The following NRG3 variants were observed in gnomAD, a reference collection of about 807,000 sequenced individuals.
The protein encoded by NRG3 is pro-neuregulin-3, membrane-bound isoform.
NRG3 carries 31 observed loss-of-function variants against 66.9 expected under a neutral mutation model. The observed-to-expected ratio is 0.46, with a 90% CI of 0.35 to 0.63. NRG3 has a LOEUF of 0.63. Ranked by LOEUF, NRG3 falls within the 20% of genes least tolerant of loss-of-function variation. NRG3 has a pLI of 0.00. For missense variants in NRG3, 910 were observed against 878.9 expected (o/e 1.04, Z -0.45); for synonymous variants, 393 against 359.4 (o/e 1.09, Z -1.06).
intron 2 of NRG3, among the ~76,000 whole-genome samples, chr10:82,629,107 T>C (rs1420181901): frequency 6.6e-6 from 1 of 152,186 alleles, no homozygotes; most frequent in African/African-American, 2.4e-5. Context: ...TCAGTTAGCA[T>C]GCATACTAAC....
chr10:82,057,671 G>A (rs1451376310), intron 1 of NRG3, among the ~76,000 whole-genome samples: 1 of 151,862 alleles, frequency 6.6e-6, no homozygotes, highest in East Asian at 1.9e-4. Context: ...TTTCAAACAT[G>A]AGGGCAAATT....
intron 1 of NRG3, among the ~76,000 whole-genome samples, chr10:82,351,665 C>T (rs184034057): frequency 2.0e-5 from 3 of 152,292 alleles, no homozygotes; most frequent in Admixed American, 2.0e-4. Flanking sequence ...TCACTGCTCA[C>T]GTGTAAGTAA....
At chr10:82,642,038 G>A (rs549494461) in intron 2 of NRG3, among the ~76,000 whole-genome samples, 13 of 151,860 alleles carry the variant, frequency 8.6e-5, no homozygotes, top group East Asian at 1.9e-4. Flanking sequence ...GTTATTTACC[G>A]CCCACTAAAT....
intron 1 of NRG3, among the ~76,000 whole-genome samples, chr10:82,250,971 T>G (rs2077459152): frequency 6.6e-6 from 1 of 152,226 alleles, no homozygotes; most frequent in South Asian, 2.1e-4. Context: ...ACGTTCTGGC[T>G]TGCAAGTATT....
chr10:82,561,897 C>G (rs2045070430), intron 2 of NRG3, among the ~76,000 whole-genome samples: 1 of 152,126 alleles, frequency 6.6e-6, no homozygotes, highest in South Asian at 2.1e-4. Flanking sequence ...GCCATTTGAA[C>G]TTCAATATGA....
intron 2 of NRG3, among the ~76,000 whole-genome samples, chr10:82,369,412 C>T (rs2135720631): frequency 7.2e-6 from 1 of 138,252 alleles, no homozygotes; most frequent in Admixed American, 6.8e-5. Flanking sequence ...GATCCTCCTT[C>T]CTCAGCCTCC....
chr10:82,725,889 G>T (rs1281148267), intron 2 of NRG3, among the ~76,000 whole-genome samples: 1 of 152,076 alleles, frequency 6.6e-6, no homozygotes, highest in Non-Finnish European at 1.5e-5. Flanking sequence ...GAACTGAATT[G>T]TACTGCCCCT....
At chr10:82,886,152 C>T (rs1842708769) in intron 4 of NRG3, among the ~76,000 whole-genome samples, 1 of 152,230 alleles carries the variant, frequency 6.6e-6, no homozygotes, top group Non-Finnish European at 1.5e-5. Context: ...CGGCGTGAGC[C>T]ACAGGGCCCG....
chr10:82,720,810 C>CATATACATATATACATATAT (rs571675177), intron 2 of NRG3, among the ~76,000 whole-genome samples: 1 of 114,744 alleles, frequency 8.7e-6, no homozygotes, highest in African/African-American at 4.4e-5. Flanking sequence ...GTATTTTATA[C>CATATACATATATACATATAT]ATATATATAT....
At chr10:82,176,915 A>G (rs79995749) in intron 1 of NRG3, among the ~76,000 whole-genome samples, 4,998 of 151,798 alleles carry the variant, frequency 0.033, 118 homozygotes, top group African/African-American at 0.069. Context: ...AAACACACAC[A>G]CACACTCGGA....
chr10:82,013,284 A>G (rs1347997854), intron 1 of NRG3, among the ~76,000 whole-genome samples: 3 of 152,140 alleles, frequency 2.0e-5, no homozygotes, highest in African/African-American at 7.2e-5. Flanking sequence ...GACTATCAGG[A>G]GAACAGTATG....
At chr10:82,871,782 A>T (rs1267991367) in intron 4 of NRG3, among the ~76,000 whole-genome samples, 2 of 152,220 alleles carry the variant, frequency 1.3e-5, no homozygotes, top group East Asian at 3.9e-4. Flanking sequence ...TGTTACATTG[A>T]TATAATCATT....
intron 1 of NRG3, among the ~76,000 whole-genome samples, chr10:81,981,177 T>C (rs1326506024): frequency 1.3e-5 from 2 of 152,162 alleles, no homozygotes; most frequent in African/African-American, 2.4e-5. Flanking sequence ...GTAAATATTA[T>C]CTAAATCAAG....
chr10:82,257,470 A>T (rs1206509594), intron 1 of NRG3, among the ~76,000 whole-genome samples: 1 of 152,158 alleles, frequency 6.6e-6, no homozygotes, highest in Non-Finnish European at 1.5e-5. Flanking sequence ...ACAAAAAAAA[A>T]AGTTATTAAG....
chr10:82,122,406 C>T (rs919028159), intron 1 of NRG3, among the ~76,000 whole-genome samples: 4 of 152,110 alleles, frequency 2.6e-5, no homozygotes, highest in Admixed American at 1.3e-4. Context: ...TAGCATGACT[C>T]GGACTGGTAT....
intron 1 of NRG3, among the ~76,000 whole-genome samples, chr10:82,035,426 G>A (rs1589855088): frequency 6.6e-6 from 1 of 152,052 alleles, no homozygotes; most frequent in African/African-American, 2.4e-5. Context: ...GCCATGCACT[G>A]TGTTTTCTTT....
intron 1 of NRG3, among the ~76,000 whole-genome samples, chr10:82,212,022 T>C (rs2075419583): frequency 6.6e-6 from 1 of 152,182 alleles, no homozygotes; most frequent in African/African-American, 2.4e-5. Context: ...AGGAGGCATA[T>C]ATTTTAGTTC....
chr10:82,184,481 G>A (rs1250473320), intron 1 of NRG3, among the ~76,000 whole-genome samples: 1 of 152,110 alleles, frequency 6.6e-6, no homozygotes, highest in Non-Finnish European at 1.5e-5. Flanking sequence ...ATGCTTTAAA[G>A]CTTTTGAAGG....
chr10:82,448,346 A>G (rs768388013), intron 2 of NRG3, among the ~76,000 whole-genome samples: 15 of 152,226 alleles, frequency 9.9e-5, no homozygotes, highest in Non-Finnish European at 1.8e-4. Context: ...AAAAGAAATC[A>G]TGTTTGCACT....
Sources: gnomAD v4.1 joint callset for allele counts (sites outside exome capture counted in the v4.1 genomes callset) on GRCh38, gnomAD v4.1.1 for gene constraint, MANE v1.5 for transcripts, NCBI Gene and HGNC (gene_info 2026-07-23, HGNC 2026-07-21) for gene names.